ZNF521: variants seen among roughly 807,000 people sequenced by gnomAD.
ZNF521 encodes the protein zinc finger protein 521, also known as LYST-interacting protein 3.
In ZNF521, 14 loss-of-function variants were observed where a neutral mutation model predicts 105.5. That is an observed-to-expected ratio of 0.13 (90% CI 0.09 to 0.21). The LOEUF is 0.21. Ranked by LOEUF, ZNF521 falls within the 10% of genes least tolerant of loss-of-function variation. The probability of loss-of-function intolerance (pLI) is 1.00; values close to 1 mark genes in which losing one functional copy is unlikely to be tolerated. For synonymous variants in ZNF521, 635 were observed against 606.0 expected, an observed-to-expected ratio of 1.05 and a Z score of -0.70; for missense variants, 1,233 against 1,629.7, an observed-to-expected ratio of 0.76 and a Z score of 4.19.
chr18:25,113,793 C>CACACACACACACACACACACAG (rs1053377440), intron 5 of ZNF521, among the ~76,000 whole-genome samples: 105 of 147,896 alleles, frequency 7.1e-4, no homozygotes, highest in Admixed American at 1.3e-3. Flanking sequence ...CACACACACA[C>CACACACACACACACACACACAG]AGAGACGGGG....
chr18:25,084,534 A>G lies in ZNF521; in HGVS notation c.3906+4931T>C. ...TCTGAAAGTCTCGGTATATCCCTCA[A>G]ATGTCAAATTACTACTGCACTTTGA... On this transcript the variant is annotated intron_variant, in intron 7 of 7. Coordinates refer to ENST00000361524, the MANE Select transcript of ZNF521 (RefSeq NM_015461.3). 1.4e-5 allele frequency among the ~76,000 whole-genome samples: 2 copies of G among 140,248 alleles called. 1 individual carries two copies. 92.0% of individuals were successfully genotyped at this position (140,248 alleles called of 152,430 possible). A position where few individuals can be genotyped will look rare whatever the true frequency, so the allele number is the denominator to read the frequency against.
At chr18:25,321,095 T>C (rs1600303877) in intron 3 of ZNF521, among the ~76,000 whole-genome samples, 1 of 152,192 alleles carries the variant, frequency 6.6e-6, no homozygotes, top group Admixed American at 6.5e-5. Context: ...ACATTTCCCA[T>C]ACTCGCTTAA....
intron 7 of ZNF521, among the ~76,000 whole-genome samples, chr18:25,074,180 C>A (rs930622401): frequency 2.0e-5 from 3 of 152,210 alleles, no homozygotes; most frequent in Non-Finnish European, 4.4e-5. Flanking sequence ...ACATGCATTG[C>A]TTCTACAGGT....
chr18:25,174,617 C>T (rs964442527), intron 5 of ZNF521, among the ~76,000 whole-genome samples: 1 of 152,298 alleles, frequency 6.6e-6, no homozygotes, highest in South Asian at 2.1e-4. Flanking sequence ...TCTCCACCTT[C>T]GTGGACACAC....
chr18:25,132,665 C>A (rs1469074946), intron 5 of ZNF521, among the ~76,000 whole-genome samples: 1 of 152,014 alleles, frequency 6.6e-6, no homozygotes, highest in Admixed American at 6.6e-5. Context: ...GGGTTGAGGG[C>A]CAAACAATAT....
intron 3 of ZNF521, among the ~76,000 whole-genome samples, chr18:25,310,372 C>T (rs1293568991): frequency 6.6e-6 from 1 of 151,026 alleles, no homozygotes; most frequent in Non-Finnish European, 1.5e-5. Context: ...CCAGGGGGAG[C>T]TAATTCTGCT....
At chr18:25,298,182 G>A (rs1389858230) in intron 3 of ZNF521, among the ~76,000 whole-genome samples, 4 of 152,146 alleles carry the variant, frequency 2.6e-5, no homozygotes, top group Admixed American at 2.6e-4. Flanking sequence ...CAGAGAGAAA[G>A]AAATGTATAT....
At chr18:25,085,239 ATAAG>A in intron 7 of ZNF521, among the ~76,000 whole-genome samples, 1 of 149,642 alleles carries the variant, frequency 6.7e-6, no homozygotes, top group Admixed American at 6.7e-5. Context: ...ATATATATAT[ATAAG>A]TATAATATGA....
rs942143211 is a variant in ZNF521, at chr18:25,346,309, C to G, written c.40+4598G>C. ...TTTTTTTTGGTTATACTTCACCTGTCTACCCGTAAGTATATATATTTTGAC... is the reference window on the plus strand; with the variant it reads ...TTTTTTTTGGTTATACTTCACCTGTGTACCCGTAAGTATATATATTTTGAC... On this transcript the variant is annotated intron_variant, in intron 2 of 7. Transcript: ENST00000361524. Among the ~76,000 whole-genome samples the G allele has an allele frequency of 7.9e-5, 12 of 151,614 alleles. 1 individual carries two copies. The South Asian group carries it at 2.5e-3, about 32-fold the overall frequency.
At chr18:25,234,900 G>C (rs1295422380) in intron 3 of ZNF521, among the ~76,000 whole-genome samples, 2 of 151,796 alleles carry the variant, frequency 1.3e-5, no homozygotes, top group African/African-American at 4.8e-5. Flanking sequence ...CAATTTGATA[G>C]ACAATATTAT....
At chr18:25,338,248 CT>C (rs1913998401) in intron 2 of ZNF521, among the ~76,000 whole-genome samples, 1 of 97,950 alleles carries the variant, frequency 1.0e-5, no homozygotes, top group African/African-American at 3.9e-5. Context: ...CAAACAACCT[CT>C]CATAGACTTT....
intron 5 of ZNF521, among the ~76,000 whole-genome samples, chr18:25,093,762 T>C (rs1305080613): frequency 6.6e-6 from 1 of 152,190 alleles, no homozygotes; most frequent in Non-Finnish European, 1.5e-5. Flanking sequence ...GGGAGTTTAA[T>C]TGTGCATACT....
At chr18:25,333,115 G>A (rs1012197223) in intron 2 of ZNF521, among the ~76,000 whole-genome samples, 12 of 151,182 alleles carry the variant, frequency 7.9e-5, no homozygotes, top group East Asian at 3.9e-4. Flanking sequence ...ATATTTTATC[G>A]TATAATGCTA....
At chr18:25,161,397 A>G (rs1362802049) in intron 5 of ZNF521, among the ~76,000 whole-genome samples, 1 of 152,176 alleles carries the variant, frequency 6.6e-6, no homozygotes, top group Non-Finnish European at 1.5e-5. Flanking sequence ...GTCCAGAAAA[A>G]GAAATGCCAC....
chr18:25,194,745 C>G (rs2035875239), intron 5 of ZNF521, among the ~76,000 whole-genome samples: 2 of 151,656 alleles, frequency 1.3e-5, no homozygotes, highest in Admixed American at 1.3e-4. Flanking sequence ...CAAAAACTCG[C>G]TACTTTAGAT....
At chr18:25,298,063 G>A (rs763267303) in intron 3 of ZNF521, among the ~76,000 whole-genome samples, 2 of 152,100 alleles carry the variant, frequency 1.3e-5, no homozygotes, top group African/African-American at 2.4e-5. Context: ...AAAAGGTGCC[G>A]ATGTTGGTTA....
chr18:25,261,543 A>C (rs1908908591), intron 3 of ZNF521, among the ~76,000 whole-genome samples: 1 of 152,220 alleles, frequency 6.6e-6, no homozygotes, highest in South Asian at 2.1e-4. Flanking sequence ...AGTTAGGAAG[A>C]AAAACAAAAA....
intron 4 of ZNF521, among the ~76,000 whole-genome samples, chr18:25,214,730 T>A (rs1568013509): frequency 6.6e-6 from 1 of 152,200 alleles, no homozygotes; most frequent in Non-Finnish European, 1.5e-5. Flanking sequence ...ACTTGATTTG[T>A]GTGATCCTCA....
chr18:25,343,001 G>A (rs1447331665), intron 2 of ZNF521, among the ~76,000 whole-genome samples: 1 of 152,182 alleles, frequency 6.6e-6, no homozygotes, highest in Non-Finnish European at 1.5e-5. Flanking sequence ...ATATTTTTTA[G>A]ATTCCAGGTC....
Sources: allele counts gnomAD v4.1 joint callset (sites outside exome capture counted in the v4.1 genomes callset), GRCh38; gene constraint gnomAD v4.1.1; transcripts MANE v1.5; gene names NCBI Gene and HGNC (gene_info 2026-07-23, HGNC 2026-07-21).